TCEA3: variants seen among roughly 807,000 people sequenced by gnomAD.
TCEA3 encodes transcription elongation factor A3, also known as transcription elongation factor A protein 3.
Under a neutral mutation model 44.0 loss-of-function variants are expected in TCEA3, and 36 were observed. That is an observed-to-expected ratio of 0.82 (90% CI 0.63 to 1.08). The LOEUF is 1.08. TCEA3 is among the 50% of genes least tolerant of loss of function. TCEA3 has a pLI of 0.00. For synonymous variants in TCEA3, 162 were observed against 159.7 expected (o/e 1.01, Z -0.11); for missense variants, 392 against 441.2 (o/e 0.89, Z 1.00).
At chr1:23,400,128 G>C (rs1570256000) in intron 5 of TCEA3, among the ~76,000 whole-genome samples, 1 of 152,146 alleles carries the variant, frequency 6.6e-6, no homozygotes, top group East Asian at 1.9e-4. Context: ...CCAGACTCTG[G>C]GGTTTGTTAA....
At chr1:23,417,867 G>C in intron 3 of TCEA3, 37 bp downstream of exon 3, 12 of 1,600,792 alleles carry the variant, frequency 7.5e-6, no homozygotes, top group Non-Finnish European at 1.0e-5. Flanking sequence ...AGTGCTAGGA[G>C]AAAAACAGGG....
chr1:23,399,743 T>A (rs1277558322), intron 5 of TCEA3, among the ~76,000 whole-genome samples: 1 of 151,886 alleles, frequency 6.6e-6, no homozygotes, highest in Non-Finnish European at 1.5e-5. Flanking sequence ...TGGCACAATC[T>A]TGGCTCACTG....
At chr1:23,383,616 T>G in intron 10 of TCEA3, 1 of 985,474 alleles carries the variant, frequency 1.0e-6, no homozygotes, top group Non-Finnish European at 1.2e-6. Flanking sequence ...TTGTACTTCT[T>G]GCTAAGTACC....
In TCEA3 at chr1:23,424,650, C is replaced by G; in HGVS notation, c.-17G>C. On this transcript the variant is annotated 5_prime_UTR_variant, in exon 1 of 11. Coordinates refer to ENST00000450454, the MANE Select transcript of TCEA3 (RefSeq NM_003196.3). ...CTGGCCCATGTTGGCCCGCGACGCC[C>G]GGCGGGGCGAGGGGCACAGGGGCAG... is the stretch of plus-strand genomic sequence containing the variant. The G allele has an allele frequency of 3.1e-6, 5 of 1,600,448 alleles. No individual in the cohort carries two copies. Among genetic ancestry groups the G allele is most frequent in the African/African-American group, 1.3e-5 (1 of 74,402 alleles).
chr1:23,384,292 T>C (rs1638756541), intron 10 of TCEA3, 54 bp downstream of exon 10: 1 of 1,613,134 alleles, frequency 6.2e-7, no homozygotes. Context: ...CTACGCCTTA[T>C]GCGGGCGAGG....
chr1:23,408,262 T>C (rs887305703), intron 5 of TCEA3, among the ~76,000 whole-genome samples: 1 of 152,168 alleles, frequency 6.6e-6, no homozygotes, highest in Admixed American at 6.5e-5. Flanking sequence ...GTGCCCAGCC[T>C]AGGTATCGGC....
At chr1:23,409,005 T>C (rs1243896411) in intron 4 of TCEA3, among the ~76,000 whole-genome samples, 1 of 152,188 alleles carries the variant, frequency 6.6e-6, no homozygotes, top group South Asian at 2.1e-4. Context: ...TGCTCATTAT[T>C]TACAACTATT....
At chr1:23,389,648 T>A (rs542019552) in intron 8 of TCEA3, among the ~76,000 whole-genome samples, 60 of 152,238 alleles carry the variant, frequency 3.9e-4, no homozygotes, top group Admixed American at 3.7e-3. Context: ...AGACTCCGTC[T>A]CAAAAAACAA....
chr1:23,386,234 C>A (rs1638830925), intron 9 of TCEA3, among the ~76,000 whole-genome samples: 1 of 152,188 alleles, frequency 6.6e-6, no homozygotes, highest in African/African-American at 2.4e-5. Context: ...GAGTCAGGGT[C>A]TCATTCTGTC....
At chr1:23,383,582 T>C in intron 10 of TCEA3, 1 of 984,592 alleles carries the variant, frequency 1.0e-6, no homozygotes, top group Non-Finnish European at 1.2e-6. Flanking sequence ...GAATGGGACC[T>C]GAAACCAGGG....
At chr1:23,395,602 G>A (rs2148556631) in intron 7 of TCEA3, among the ~76,000 whole-genome samples, 1 of 152,258 alleles carries the variant, frequency 6.6e-6, no homozygotes, top group South Asian at 2.1e-4. Context: ...GAGGAGGGAG[G>A]ATCACCTGAG....
At chr1:23,424,036 G>A in intron 1 of TCEA3, 1 of 366,580 alleles carries the variant, frequency 2.7e-6, no homozygotes, top group Non-Finnish European at 5.3e-6. Context: ...GCACCAAGCG[G>A]TGGGGTCGCA....
At chr1:23,402,038 T>C (rs755636212) in intron 5 of TCEA3, among the ~76,000 whole-genome samples, 2 of 152,176 alleles carry the variant, frequency 1.3e-5, no homozygotes, top group Non-Finnish European at 2.9e-5. Context: ...CCAATTATTT[T>C]TAGCATAAAG....
intron 1 of TCEA3, 78 bp downstream of exon 1, chr1:23,424,487 T>C: frequency 7.3e-7 from 1 of 1,378,912 alleles, no homozygotes; most frequent in Non-Finnish European, 1.0e-6. Context: ...GCCCCGCCAG[T>C]ACGTCCCCAC....
chr1:23,397,517 C>A (rs772281334), intron 7 of TCEA3, 28 bp downstream of exon 7: 1 of 1,610,282 alleles, frequency 6.2e-7, no homozygotes, highest in Non-Finnish European at 8.5e-7. Flanking sequence ...GTGCAGACAC[C>A]CACAGCCCCG....
Position 23,393,871 on chromosome 1 carries a change from G to T in TCEA3, c.819+8C>A. 1.2e-6 allele frequency: 2 copies of T among 1,612,532 alleles called. No homozygotes were observed. Among genetic ancestry groups the T allele is most frequent in the Non-Finnish European group, 1.7e-6 (2 of 1,179,714 alleles). Reference sequence around the variant, plus strand: ...TCCTGCCTCACCATGCAGATGCCCTGCTCTCACCTCTGCCGTCATCTTGGC... The same window carrying T: ...TCCTGCCTCACCATGCAGATGCCCTTCTCTCACCTCTGCCGTCATCTTGGC... On this transcript the variant is annotated splice_region_variant and intron_variant, in intron 8 of 10. Transcript: ENST00000450454.
At chr1:23,407,485 C>T (rs977065186) in intron 5 of TCEA3, among the ~76,000 whole-genome samples, 2 of 152,108 alleles carry the variant, frequency 1.3e-5, no homozygotes, top group African/African-American at 2.4e-5. Context: ...CCCTCAGCCA[C>T]TTCACTGTTC....
chr1:23,404,692 C>T (rs887258648), intron 5 of TCEA3, among the ~76,000 whole-genome samples: 1 of 152,122 alleles, frequency 6.6e-6, no homozygotes. Context: ...GGCGCGGTGG[C>T]TCACACCTGT....
chr1:23,420,142 T>A (rs1340052796), intron 1 of TCEA3, among the ~76,000 whole-genome samples: 2 of 152,254 alleles, frequency 1.3e-5, no homozygotes, highest in Admixed American at 6.5e-5. Context: ...TTTATCTGGC[T>A]TATTTCGGCA....
Sources: allele counts gnomAD v4.1 joint callset (sites outside exome capture counted in the v4.1 genomes callset), GRCh38; gene constraint gnomAD v4.1.1; transcripts MANE v1.5; gene names NCBI Gene and HGNC (gene_info 2026-07-23, HGNC 2026-07-21).